Variants in BICDL1 observed in about 807,000 individuals in gnomAD.
The protein encoded by BICDL1 is BICD family-like cargo adapter 1.
BICDL1 carries 20 observed loss-of-function variants against 76.8 expected under a neutral mutation model. The observed-to-expected ratio is 0.26, with a 90% CI of 0.18 to 0.38. The LOEUF (loss-of-function observed/expected upper bound fraction) is 0.38. BICDL1 is among the 10% of genes least tolerant of loss of function. The pLI is 1.00. For synonymous variants in BICDL1, 383 were observed against 337.1 expected (o/e 1.14, Z -1.49); for missense variants, 700 against 798.6 (o/e 0.88, Z 1.49).
intron 2 of BICDL1, among the ~76,000 whole-genome samples, chr12:120,054,142 A>G (rs1340110050): frequency 1.3e-5 from 2 of 150,242 alleles, no homozygotes; most frequent in Non-Finnish European, 3.0e-5. Context: ...GTGTGATCTC[A>G]GCTCACTGCA....
intron 2 of BICDL1, among the ~76,000 whole-genome samples, chr12:120,000,732 T>C (rs1262752910): frequency 1.3e-5 from 2 of 152,236 alleles, no homozygotes; most frequent in Admixed American, 6.5e-5. Context: ...CAAAAGCTCA[T>C]GGAGCTTGGA....
chr12:120,007,867 C>T (rs1951878691), intron 2 of BICDL1, among the ~76,000 whole-genome samples: 1 of 152,178 alleles, frequency 6.6e-6, no homozygotes, highest in Admixed American at 6.5e-5. Context: ...GTTTCTAGAA[C>T]ACTTTACAGT....
chr12:120,086,032 C>T (rs940279302), intron 8 of BICDL1, among the ~76,000 whole-genome samples: 1 of 150,874 alleles, frequency 6.6e-6, no homozygotes, highest in Non-Finnish European at 1.5e-5. Flanking sequence ...AAACCTAGCT[C>T]TGCCACCTGG....
chr12:120,063,703 A>G (rs1337515731), intron 3 of BICDL1, among the ~76,000 whole-genome samples: 1 of 152,232 alleles, frequency 6.6e-6, no homozygotes, highest in Non-Finnish European at 1.5e-5. Context: ...AAACTGGTTA[A>G]GAATCAGTCC....
chr12:119,991,005 T>A (rs959241121), intron 1 of BICDL1, among the ~76,000 whole-genome samples: 8 of 152,372 alleles, frequency 5.3e-5, no homozygotes, highest in East Asian at 1.9e-4. Context: ...ACTTCTGTTA[T>A]AAAATACCTG....
chr12:120,089,128 C>T (rs1009472338), intron 8 of BICDL1, among the ~76,000 whole-genome samples: 1 of 152,216 alleles, frequency 6.6e-6, no homozygotes, highest in African/African-American at 2.4e-5. Flanking sequence ...ACAAGGAATC[C>T]CTTCTATACC....
chr12:120,033,367 C>CTT lies in BICDL1; in HGVS notation c.646-28323_646-28322dup, dbSNP rs569302592. On this transcript the variant is annotated intron_variant, in intron 2 of 9. Coordinates refer to ENST00000548673, the MANE Select transcript of BICDL1 (RefSeq NM_001367886.1). ...CAGTTTTCCTGTGGAGAGTTCTTGCCTTTTTTTTTTTTTTTTTTTTTGTGG... is the reference window on the plus strand; with the variant it reads ...CAGTTTTCCTGTGGAGAGTTCTTGCCTTTTTTTTTTTTTTTTTTTTTTTGTGG... Among the ~76,000 whole-genome samples the CTT allele has an allele frequency of 4.0e-3, 309 of 77,578 alleles. 7 individuals are homozygous for CTT. The highest frequency in any genetic ancestry group is 0.011 in the Middle Eastern group (1 of 88). The allele number at this position is 77,578 out of a possible 152,430, so 50.9% of individuals were successfully genotyped here. A position where few individuals can be genotyped will look rare whatever the true frequency, so the allele number is the denominator to read the frequency against.
At chr12:120,001,323 T>G (rs974073567) in intron 2 of BICDL1, among the ~76,000 whole-genome samples, 1 of 152,194 alleles carries the variant, frequency 6.6e-6, no homozygotes, top group Non-Finnish European at 1.5e-5. Context: ...CTCAGCTCAC[T>G]GCAAGCTCCG....
intron 4 of BICDL1, among the ~76,000 whole-genome samples, chr12:120,069,962 A>G (rs1872960704): frequency 6.6e-6 from 1 of 152,196 alleles, no homozygotes. Flanking sequence ...AAATTTAACC[A>G]TGTTGTGGCA....
chr12:120,044,088 G>A (rs1003223877), intron 2 of BICDL1, among the ~76,000 whole-genome samples: 5 of 152,140 alleles, frequency 3.3e-5, no homozygotes, highest in Non-Finnish European at 5.9e-5. Flanking sequence ...CCAAAAGAGG[G>A]TATATCATGA....
intron 2 of BICDL1, among the ~76,000 whole-genome samples, chr12:120,027,583 C>T (rs1378710853): frequency 1.3e-5 from 2 of 152,094 alleles, no homozygotes; most frequent in East Asian, 1.9e-4. Context: ...GTTGATCATC[C>T]GGGTCCTGCG....
chr12:120,028,103 T>C (rs910446553), intron 2 of BICDL1, among the ~76,000 whole-genome samples: 2 of 152,226 alleles, frequency 1.3e-5, no homozygotes, highest in African/African-American at 4.8e-5. Context: ...TAAATGGCTT[T>C]GCTTTTCTCT....
At chr12:119,992,183 T>A (rs1330908561) in intron 1 of BICDL1, among the ~76,000 whole-genome samples, 1 of 152,214 alleles carries the variant, frequency 6.6e-6, no homozygotes, top group Non-Finnish European at 1.5e-5. Flanking sequence ...AATTTTAAAG[T>A]TTTAAAAATG....
At chr12:120,077,428 A>G (rs1312109916) in intron 7 of BICDL1, among the ~76,000 whole-genome samples, 2 of 152,078 alleles carry the variant, frequency 1.3e-5, no homozygotes, top group South Asian at 2.1e-4. Context: ...AGCAGCTGCT[A>G]GGATGCAGGG....
In BICDL1 at chr12:119,989,255, T is replaced by TG. The variant is rs984648211; in HGVS notation, c.-613dup. ...GAAGGCAGGAAGGAGCTCGCCGGGT[T>TG]GCGCGGCGCGCGATGTGGAGCCGCC... On this transcript the variant is annotated 5_prime_UTR_variant, in exon 1 of 10. Transcript: ENST00000548673. Among the ~76,000 whole-genome samples, 2 of 149,780 alleles carry TG rather than the reference T, an allele frequency of 1.3e-5. No homozygotes were observed. Among genetic ancestry groups the TG allele is most frequent in the African/African-American group, 4.9e-5 (2 of 41,024 alleles).
intron 2 of BICDL1, among the ~76,000 whole-genome samples, chr12:120,010,590 G>A (rs1417373592): frequency 2.0e-5 from 3 of 152,194 alleles, no homozygotes; most frequent in African/African-American, 7.2e-5. Context: ...TCTCTAAGAG[G>A]TGCCTCAGGG....
chr12:120,032,816 G>T (rs942278106), intron 2 of BICDL1, among the ~76,000 whole-genome samples: 1 of 138,966 alleles, frequency 7.2e-6, no homozygotes, highest in East Asian at 2.2e-4. Flanking sequence ...GCACGATCTT[G>T]GCTCACTGCA....
chr12:120,009,247 A>G lies in BICDL1; in HGVS notation c.645+10511A>G, dbSNP rs770191308. Among the ~76,000 whole-genome samples, 4 of 152,152 alleles carry G rather than the reference A, an allele frequency of 2.6e-5. No homozygotes were observed. The South Asian group carries it at 6.2e-4, about 24-fold the overall frequency. ...ATGATCCGCCCGCCTCGGCCTCCCA[A>G]AGTGCTGGGATTACAGGCATGAGCC... On this transcript the variant is annotated intron_variant, in intron 2 of 9. Coordinates refer to ENST00000548673, the MANE Select transcript of BICDL1 (RefSeq NM_001367886.1).
intron 2 of BICDL1, among the ~76,000 whole-genome samples, chr12:120,023,790 GA>G (rs371485975): frequency 0.014 from 1,698 of 123,994 alleles, 28 homozygotes; most frequent in East Asian, 0.048. Context: ...ATTCCATCTC[GA>G]AAAAAAAAAA....
Sources: gnomAD v4.1 joint callset for allele counts (sites outside exome capture counted in the v4.1 genomes callset) on GRCh38, gnomAD v4.1.1 for gene constraint, MANE v1.5 for transcripts, NCBI Gene and HGNC (gene_info 2026-07-23, HGNC 2026-07-21) for gene names.